The following TBL1XR1 variants were observed in gnomAD, a reference collection of about 807,000 sequenced individuals.
TBL1XR1 encodes F-box-like/WD repeat-containing protein TBL1XR1.
TBL1XR1 carries 5 observed loss-of-function variants against 66.9 expected under a neutral mutation model. The ratio of observed to expected loss-of-function variants is 0.07; its 90% CI spans 0.04 to 0.16. The LOEUF is 0.16. Among genes scored for constraint, TBL1XR1 ranks in the 10% least tolerant of loss-of-function variants. TBL1XR1 has a pLI of 1.00. For missense variants in TBL1XR1, 238 were observed against 623.2 expected (o/e 0.38, Z 6.58); for synonymous variants, 210 against 206.0 (o/e 1.02, Z -0.17).
intron 3 of TBL1XR1, among the ~76,000 whole-genome samples, chr3:177,054,591 T>G (rs1293242273): frequency 6.6e-6 from 1 of 152,186 alleles, no homozygotes; most frequent in East Asian, 1.9e-4. Context: ...TTGTCAAACA[T>G]CTGATAAATT....
chr3:177,149,033 A>G (rs1730579945), intron 1 of TBL1XR1, among the ~76,000 whole-genome samples: 1 of 151,640 alleles, frequency 6.6e-6, no homozygotes, highest in Non-Finnish European at 1.5e-5. Context: ...GAAAAGAAAA[A>G]ACTCCAGGAG....
intron 1 of TBL1XR1, among the ~76,000 whole-genome samples, chr3:177,101,232 T>C (rs1724169765): frequency 6.6e-6 from 1 of 152,248 alleles, no homozygotes; most frequent in Admixed American, 6.5e-5. Context: ...ACTCTTGTAG[T>C]TTAAGTACTG....
rs538313726 is a variant in TBL1XR1 at position 177,035,088 on chromosome 3, A to G, written c.1123-763T>C. Among the ~76,000 whole-genome samples the G allele has an allele frequency of 3.3e-4, 51 of 152,352 alleles. No homozygotes were observed. The South Asian group carries it at 0.01, about 30-fold the overall frequency. ...ATTTCCGTGACATAACCATTAAAAG[A>G]TAATGAAGCATCAGAGTGTTTTTGG... On this transcript the variant is annotated intron_variant, in intron 12 of 15. Transcript: ENST00000457928.
intron 1 of TBL1XR1, among the ~76,000 whole-genome samples, chr3:177,118,329 C>G (rs1726561476): frequency 6.6e-6 from 1 of 152,200 alleles, no homozygotes; most frequent in South Asian, 2.1e-4. Context: ...ATACGTCTTT[C>G]ATGCCCTCAT....
intron 2 of TBL1XR1, among the ~76,000 whole-genome samples, chr3:177,089,674 C>T (rs1178125221): frequency 2.0e-5 from 3 of 152,094 alleles, no homozygotes; most frequent in East Asian, 3.9e-4. Context: ...GTGGAAGAGT[C>T]CTGTTGTTAA....
intron 1 of TBL1XR1, chr3:177,126,003 T>C (rs982372567): frequency 6.6e-6 from 1 of 152,210 alleles, no homozygotes; most frequent in Non-Finnish European, 1.5e-5. Flanking sequence ...GATACAGGCA[T>C]GCAGTGCGTA....
rs1226450791 is a variant in TBL1XR1, at chr3:177,167,922, G to C, written c.-122+29199C>G. Among the ~76,000 whole-genome samples, 3 of 150,530 alleles carry C rather than the reference G, an allele frequency of 2.0e-5. No individual in the cohort carries two copies. The Admixed American group carries it at 2.0e-4, about 10-fold the overall frequency. On this transcript the variant is annotated intron_variant, in intron 1 of 15. Transcript: ENST00000457928. ...GCCTGGGCAACAAGAGCGAAACACT[G>C]TTTCAAAAAAAACAACAAAAAAAAT... is the stretch of plus-strand genomic sequence containing the variant.
At chr3:177,138,373 C>G (rs1156550167) in intron 1 of TBL1XR1, among the ~76,000 whole-genome samples, 1 of 152,120 alleles carries the variant, frequency 6.6e-6, no homozygotes, top group Non-Finnish European at 1.5e-5. Context: ...GGTGGGAGAA[C>G]TGATTGAGCC....
chr3:177,076,072 G>T (rs926981446), intron 2 of TBL1XR1, among the ~76,000 whole-genome samples: 1 of 152,228 alleles, frequency 6.6e-6, no homozygotes, highest in Non-Finnish European at 1.5e-5. Context: ...CAGATACAGT[G>T]CCTAGTGAAG....
chr3:177,085,067 G>T (rs980013785), intron 2 of TBL1XR1, among the ~76,000 whole-genome samples: 1 of 152,048 alleles, frequency 6.6e-6, no homozygotes, highest in African/African-American at 2.4e-5. Flanking sequence ...TCAAAAAATC[G>T]AAACTAAATC....
intron 2 of TBL1XR1, among the ~76,000 whole-genome samples, chr3:177,073,712 T>C (rs1171186441): frequency 9.2e-5 from 14 of 152,026 alleles, no homozygotes; most frequent in Non-Finnish European, 7.4e-5. Context: ...CAGTGAAGAG[T>C]GGGCTTCATA....
At chr3:177,123,281 A>G (rs1290028717) in intron 1 of TBL1XR1, among the ~76,000 whole-genome samples, 1 of 149,518 alleles carries the variant, frequency 6.7e-6, no homozygotes. Flanking sequence ...CATTAACAAA[A>G]GTTTAAAATT....
At chr3:177,127,691 A>G (rs537777995) in intron 1 of TBL1XR1, among the ~76,000 whole-genome samples, 2 of 152,350 alleles carry the variant, frequency 1.3e-5, no homozygotes, top group South Asian at 4.1e-4. Flanking sequence ...TAGAAGAGAC[A>G]AGGAAGAATT....
Position 177,127,212 on chromosome 3 carries a change from T to C in TBL1XR1, c.-121-28671A>G, listed in dbSNP as rs540359200. On this transcript the variant is annotated intron_variant, in intron 1 of 15. Transcript: ENST00000457928. ...CCTGACCTACATACAGAAGCTCAAC[T>C]TGTATATCTAGTTCCCAAGTCCCTT... Among the ~76,000 whole-genome samples the C allele has an allele frequency of 1.2e-4, 19 of 152,316 alleles. No individual in the cohort carries two copies. The South Asian group carries it at 3.7e-3, about 30-fold the overall frequency.
Position 177,024,402 on chromosome 3 carries a change from T to TA in TBL1XR1, c.*1095dup, listed in dbSNP as rs1363735124. The TA allele has an allele frequency of 5.2e-5, 8 of 152,530 alleles. No individual in the cohort carries two copies. The highest frequency in any genetic ancestry group is 1.9e-4 in the African/African-American group (8 of 41,432). 9.4% of individuals were successfully genotyped at this position (152,530 alleles called of 1,614,324 possible). A position where few individuals can be genotyped will look rare whatever the true frequency, so the allele number is the denominator to read the frequency against. ...AATACTGGAGTTTGGTTACATTACA[T>TA]ATTTAAGCTTCTACACAGAATGATG... is the stretch of plus-strand genomic sequence containing the variant. On this transcript the variant is annotated 3_prime_UTR_variant, in exon 16 of 16. Coordinates refer to ENST00000457928, the MANE Select transcript of TBL1XR1 (RefSeq NM_024665.7).
intron 2 of TBL1XR1, among the ~76,000 whole-genome samples, chr3:177,090,224 C>T (rs1030608136): frequency 1.3e-5 from 2 of 152,010 alleles, no homozygotes; most frequent in Admixed American, 6.6e-5. Flanking sequence ...TACATTTGAG[C>T]AAGATAAACC....
intron 3 of TBL1XR1, among the ~76,000 whole-genome samples, chr3:177,056,600 T>C (rs1717831035): frequency 6.6e-6 from 1 of 152,212 alleles, no homozygotes; most frequent in African/African-American, 2.4e-5. Flanking sequence ...AACTAGAATA[T>C]TTTCTTTATT....
At chr3:177,041,620 T>C (rs1007905679) in intron 10 of TBL1XR1, among the ~76,000 whole-genome samples, 1 of 152,228 alleles carries the variant, frequency 6.6e-6, no homozygotes. Flanking sequence ...CTGCCTCTAC[T>C]TGTGTGTATC....
At chr3:177,193,051 G>A (rs1736365596) in intron 1 of TBL1XR1, among the ~76,000 whole-genome samples, 1 of 152,058 alleles carries the variant, frequency 6.6e-6, no homozygotes, top group Non-Finnish European at 1.5e-5. Flanking sequence ...TACTTGGGAG[G>A]CTGAGGCAGG....
Sources: gnomAD v4.1 joint callset for allele counts (sites outside exome capture counted in the v4.1 genomes callset) on GRCh38, gnomAD v4.1.1 for gene constraint, MANE v1.5 for transcripts, NCBI Gene and HGNC (gene_info 2026-07-23, HGNC 2026-07-21) for gene names.